The following CLEC7A variants were observed in gnomAD, a reference collection of about 807,000 sequenced individuals.
CLEC7A encodes the protein C-type lectin domain family 7 member A.
A neutral mutation model predicts 26.9 loss-of-function variants in CLEC7A; 25 were observed. The ratio of observed to expected loss-of-function variants is 0.93; its 90% CI spans 0.68 to 1.30. The LOEUF (loss-of-function observed/expected upper bound fraction) is 1.30, where lower values mean the gene tolerates loss of function less well. Among genes scored for constraint, CLEC7A ranks in the 50% most tolerant of loss-of-function variants. The probability of loss-of-function intolerance (pLI) is 0.00; values close to 1 mark genes in which losing one functional copy is unlikely to be tolerated. For missense variants in CLEC7A, 275 were observed against 286.7 expected, an observed-to-expected ratio of 0.96 and a Z score of 0.29; for synonymous variants, 100 against 99.5, an observed-to-expected ratio of 1.01 and a Z score of -0.03.
At chr12:10,129,959 T>C (rs1591967868) in intron 1 of CLEC7A, 21 bp downstream of exon 1, 1 of 1,406,850 alleles carries the variant, frequency 7.1e-7, no homozygotes, top group Admixed American at 1.7e-5. Flanking sequence ...AAGGCACACA[T>C]TAGAAAAAAC....
At chr12:10,126,544 G>A in intron 3 of CLEC7A, 27 bp downstream of exon 3, 1 of 1,588,348 alleles carries the variant, frequency 6.3e-7, no homozygotes, top group Non-Finnish European at 8.6e-7. Flanking sequence ...CTTGAGTCAA[G>A]ATTCCGTCCT....
chr12:10,126,041 A>C (rs1285473891), intron 3 of CLEC7A: 1 of 278,476 alleles, frequency 3.6e-6, no homozygotes, highest in Non-Finnish European at 5.4e-6. Context: ...ATTGTAATTA[A>C]GTAAATGAAA....
At chr12:10,118,678 G>A in intron 5 of CLEC7A, 88 bp from the exon 6 acceptor site, 1 of 1,139,650 alleles carries the variant, frequency 8.8e-7, no homozygotes, top group South Asian at 1.5e-5. Flanking sequence ...TAAGGATATT[G>A]GTGAAAAGAG....
intron 2 of CLEC7A, chr12:10,127,529 C>T (rs772057351): frequency 1.5e-6 from 2 of 1,295,574 alleles, no homozygotes; most frequent in Admixed American, 3.4e-5. Context: ...GGTCCCACCA[C>T]TAACTAGCTT....
At position 10,117,896 on chromosome 12, in the gene CLEC7A, G is replaced by A. The variant is rs1947959232; in HGVS notation, c.*562C>T. The A allele has an allele frequency of 6.5e-6, 1 of 152,672 alleles. No homozygotes were observed. The highest frequency in any genetic ancestry group is 2.4e-5 in the African/African-American group (1 of 41,424). 9.5% of individuals were successfully genotyped at this position (152,672 alleles called of 1,614,324 possible). A position where few individuals can be genotyped will look rare whatever the true frequency, so the allele number is the denominator to read the frequency against. On this transcript the variant is annotated 3_prime_UTR_variant, in exon 6 of 6. Transcript: ENST00000304084. ...TACCCAAGGTAAATGCCAAGTCAAT[G>A]GCAGAATGAAAATTCAAGCTTGGGG...
Position 10,118,695 on chromosome 12 carries a change from A to G in CLEC7A, c.612-105T>C. The G allele has an allele frequency of 7.1e-6, 7 of 979,040 alleles. No homozygotes were observed. The South Asian group carries it at 1.3e-4, about 18-fold the overall frequency. 60.6% of individuals were successfully genotyped at this position (979,040 alleles called of 1,614,324 possible). A position where few individuals can be genotyped will look rare whatever the true frequency, so the allele number is the denominator to read the frequency against. On this transcript the variant is annotated intron_variant, in intron 5 of 5. Coordinates refer to ENST00000304084, the MANE Select transcript of CLEC7A (RefSeq NM_197947.3). ...AGGATATTGGTGAAAAGAGTTCTGAAGTGTTTCTATTATTGGAAAAGGAGG... is the reference window on the plus strand; with the variant it reads ...AGGATATTGGTGAAAAGAGTTCTGAGGTGTTTCTATTATTGGAAAAGGAGG...
At chr12:10,119,250 C>G (rs904988527) in intron 5 of CLEC7A, among the ~76,000 whole-genome samples, 19 of 152,214 alleles carry the variant, frequency 1.2e-4, no homozygotes, top group African/African-American at 4.6e-4. Flanking sequence ...AAAGCTATGA[C>G]TTGGCACTCT....
At position 10,118,292 on chromosome 12, in the gene CLEC7A, C is replaced by G. The variant is rs1947969639; in HGVS notation, c.*166G>C. The G allele has an allele frequency of 1.6e-6, 1 of 615,760 alleles. No homozygotes were observed. The highest frequency in any genetic ancestry group is 2.7e-6 in the Non-Finnish European group (1 of 367,146). 38.1% of individuals were successfully genotyped at this position (615,760 alleles called of 1,614,324 possible). On this transcript the variant is annotated 3_prime_UTR_variant, in exon 6 of 6. Transcript: ENST00000304084. Reference sequence around the variant, plus strand: ...TAGCCTACCTGTAGGTCGACAAATACAGAAATCACAGCCTCTCCCTTCAAT... The same window carrying G: ...TAGCCTACCTGTAGGTCGACAAATAGAGAAATCACAGCCTCTCCCTTCAAT...
chr12:10,124,934 T>C, intron 4 of CLEC7A: 1 of 210,200 alleles, frequency 4.8e-6, no homozygotes, highest in Admixed American at 5.4e-5. Flanking sequence ...TATGGTGGCT[T>C]ACACCTGTAA....
intron 2 of CLEC7A, chr12:10,127,476 A>C (rs916039371): frequency 3.1e-6 from 5 of 1,607,186 alleles, no homozygotes; most frequent in Non-Finnish European, 4.3e-6. Flanking sequence ...AATGTAGTTA[A>C]GAGTATGAGT....
intron 1 of CLEC7A, among the ~76,000 whole-genome samples, chr12:10,129,410 A>G (rs1591966635): frequency 6.6e-6 from 1 of 152,212 alleles, no homozygotes; most frequent in East Asian, 1.9e-4. Flanking sequence ...GTCTATATCT[A>G]TAGAAAAGAG....
chr12:10,130,182 T>C lies in CLEC7A; in HGVS notation c.-100A>G. The C allele has an allele frequency of 1.6e-6, 1 of 627,932 alleles. No individual in the cohort carries two copies. The highest frequency in any genetic ancestry group is 2.9e-6 in the Non-Finnish European group (1 of 349,062). The allele number at this position is 627,932 out of a possible 1,614,324, so 38.9% of individuals were successfully genotyped here. On this transcript the variant is annotated 5_prime_UTR_variant, in exon 1 of 6. Transcript: ENST00000304084. ...GACAAAAGAGAATCTCTGAGTCAAA[T>C]CATGTGGGCTAGGTACTTACCGGAG... is the stretch of plus-strand genomic sequence containing the variant.
Position 10,125,461 on chromosome 12 carries a change from G to A in CLEC7A, c.341-13C>T, listed in dbSNP as rs771816303. 2 of 1,605,654 alleles carry A rather than the reference G, an allele frequency of 1.2e-6. No individual in the cohort carries two copies. The highest frequency in any genetic ancestry group is 1.7e-6 in the Non-Finnish European group (2 of 1,177,250). On this transcript the variant is annotated splice_polypyrimidine_tract_variant and intron_variant, in intron 3 of 5. Coordinates refer to ENST00000304084, the MANE Select transcript of CLEC7A (RefSeq NM_197947.3). ...CTGGAAAGAACCCCTGGAAATAAAAGATTAGTACCATGAGGTTCATAGCAT... is the reference window on the plus strand; with the variant it reads ...CTGGAAAGAACCCCTGGAAATAAAAAATTAGTACCATGAGGTTCATAGCAT...
At chr12:10,126,214 G>A (rs73256668) in intron 3 of CLEC7A, 1 of 982,886 alleles carries the variant, frequency 1.0e-6, no homozygotes, top group Non-Finnish European at 1.2e-6. Flanking sequence ...TATTCTAACT[G>A]TATCGCATTT....
intron 2 of CLEC7A, chr12:10,127,190 T>C: frequency 9.1e-7 from 1 of 1,099,374 alleles, no homozygotes; most frequent in Admixed American, 2.9e-5. Context: ...ATATAAAATG[T>C]AAAAAAAATA....
At chr12:10,121,663 A>T (rs746901004) in intron 5 of CLEC7A, among the ~76,000 whole-genome samples, 7 of 152,244 alleles carry the variant, frequency 4.6e-5, no homozygotes, top group Non-Finnish European at 7.3e-5. Context: ...GAACTGAAAG[A>T]CAATGAAAAT....
Position 10,120,658 on chromosome 12 carries a change from G to C in CLEC7A, c.612-2068C>G, listed in dbSNP as rs543656042. Among the ~76,000 whole-genome samples, 233 of 151,072 alleles carry C rather than the reference G, an allele frequency of 1.5e-3. 3 individuals carry two copies. In the East Asian group the frequency reaches 0.035, roughly 23 times the overall value. Reference sequence around the variant, plus strand: ...GGCCAGGCTGGTATCGAACTCCAGAGATCAAGTGATCCGCCTGCCTCGGCC... The same window carrying C: ...GGCCAGGCTGGTATCGAACTCCAGACATCAAGTGATCCGCCTGCCTCGGCC... On this transcript the variant is annotated intron_variant, in intron 5 of 5. Transcript: ENST00000304084.
chr12:10,128,197 A>G (rs932935448), intron 1 of CLEC7A, among the ~76,000 whole-genome samples: 17 of 143,366 alleles, frequency 1.2e-4, no homozygotes, highest in Non-Finnish European at 2.0e-4. Context: ...AAAAAGTGAT[A>G]CCCTGTTAAA....
chr12:10,124,159 A>G (rs1453266758), intron 4 of CLEC7A, among the ~76,000 whole-genome samples: 1 of 152,256 alleles, frequency 6.6e-6, no homozygotes, highest in Non-Finnish European at 1.5e-5. Context: ...TTACAAATCT[A>G]TAACAATTTA....
Sources: gnomAD v4.1 joint callset for allele counts (sites outside exome capture counted in the v4.1 genomes callset) on GRCh38, gnomAD v4.1.1 for gene constraint, MANE v1.5 for transcripts, NCBI Gene and HGNC (gene_info 2026-07-23, HGNC 2026-07-21) for gene names.